Variants in HIBADH observed in about 807,000 individuals in gnomAD.
HIBADH encodes the protein 3-hydroxyisobutyrate dehydrogenase, mitochondrial.
Under a neutral mutation model 36.1 loss-of-function variants are expected in HIBADH, and 25 were observed. The ratio of observed to expected loss-of-function variants is 0.69; its 90% confidence interval spans 0.50 to 0.97. HIBADH has a LOEUF of 0.97. Ranked by LOEUF, HIBADH falls within the 50% of genes least tolerant of loss-of-function variation. HIBADH has a pLI of 0.00. For missense variants in HIBADH, 421 were observed against 418.0 expected, an observed-to-expected ratio of 1.01 and a Z score of -0.06; for synonymous variants, 160 against 149.5, an observed-to-expected ratio of 1.07 and a Z score of -0.51.
At chr7:27,554,805 T>C (rs1784367254) in intron 4 of HIBADH, among the ~76,000 whole-genome samples, 1 of 152,172 alleles carries the variant, frequency 6.6e-6, no homozygotes, top group Non-Finnish European at 1.5e-5. Flanking sequence ...AAGCTACACT[T>C]GGCTAACCAG....
chr7:27,580,494 G>A (rs542842304), intron 4 of HIBADH, among the ~76,000 whole-genome samples: 2 of 152,264 alleles, frequency 1.3e-5, no homozygotes, highest in East Asian at 3.9e-4. Context: ...CAGTAAATCA[G>A]CAGAAAACTC....
At chr7:27,634,325 T>A (rs762278612) in intron 2 of HIBADH, among the ~76,000 whole-genome samples, 19 of 152,114 alleles carry the variant, frequency 1.2e-4, no homozygotes, top group Non-Finnish European at 2.6e-4. Flanking sequence ...TACAAATAAT[T>A]CTAAAAATTA....
intron 1 of HIBADH, among the ~76,000 whole-genome samples, chr7:27,651,730 T>C (rs1265639659): frequency 1.3e-5 from 2 of 152,194 alleles, no homozygotes; most frequent in Admixed American, 6.5e-5. Flanking sequence ...AACTATCACA[T>C]GTACCAAAAG....
chr7:27,621,329 GA>G (rs904423908), intron 4 of HIBADH, among the ~76,000 whole-genome samples: 1 of 151,962 alleles, frequency 6.6e-6, no homozygotes, highest in Non-Finnish European at 1.5e-5. Flanking sequence ...AGGAAGTCAA[GA>G]AAAAAACGTT....
At chr7:27,589,634 C>A (rs905448291) in intron 4 of HIBADH, among the ~76,000 whole-genome samples, 5 of 152,170 alleles carry the variant, frequency 3.3e-5, no homozygotes, top group Admixed American at 1.3e-4. Context: ...GTGATTCTAA[C>A]TCCACTGTCT....
intron 4 of HIBADH, among the ~76,000 whole-genome samples, chr7:27,599,253 AAAG>A (rs1397908986): frequency 2.0e-5 from 3 of 152,212 alleles, no homozygotes; most frequent in Admixed American, 1.3e-4. Context: ...GGTTGAACTT[AAAG>A]AAGGATTAAA....
At chr7:27,539,250 A>G (rs948651241) in intron 5 of HIBADH, among the ~76,000 whole-genome samples, 22 of 152,202 alleles carry the variant, frequency 1.4e-4, no homozygotes, top group Non-Finnish European at 3.1e-4. Flanking sequence ...CCCCCTGACC[A>G]GTAAACTAGG....
At chr7:27,537,399 G>T (rs1784084399) in intron 6 of HIBADH, among the ~76,000 whole-genome samples, 1 of 152,006 alleles carries the variant, frequency 6.6e-6, no homozygotes, top group Non-Finnish European at 1.5e-5. Flanking sequence ...CCATTACTGT[G>T]TTTTCAAAAA....
intron 4 of HIBADH, among the ~76,000 whole-genome samples, chr7:27,547,882 A>C (rs1007399071): frequency 1.1e-4 from 16 of 152,210 alleles, no homozygotes; most frequent in Admixed American, 6.5e-5. Context: ...AAATTTTCTC[A>C]TGTAACTACA....
rs1240578333 is a variant in HIBADH at position 27,551,198 on chromosome 7, A to G, written c.485-8098T>C. ...ATGGCATTTTCACTTACTGCTACATAAACATGCATAAGCTAAGTGTACATG... is the reference window on the plus strand; with the variant it reads ...ATGGCATTTTCACTTACTGCTACATGAACATGCATAAGCTAAGTGTACATG... On this transcript the variant is annotated intron_variant, in intron 4 of 7. Transcript: ENST00000265395. 2.0e-5 allele frequency among the ~76,000 whole-genome samples: 3 copies of G among 152,196 alleles called. No individual in the cohort carries two copies. The East Asian group carries it at 5.8e-4, about 29-fold the overall frequency.
chr7:27,640,857 C>T (rs1375714524), intron 2 of HIBADH, among the ~76,000 whole-genome samples: 1 of 152,168 alleles, frequency 6.6e-6, no homozygotes, highest in Non-Finnish European at 1.5e-5. Flanking sequence ...ATGATCTATA[C>T]ATACAAAAGG....
intron 4 of HIBADH, among the ~76,000 whole-genome samples, chr7:27,594,146 T>G (rs1313745892): frequency 2.5e-5 from 3 of 120,866 alleles, no homozygotes; most frequent in Non-Finnish European, 5.8e-5. Flanking sequence ...ATGTTTTTGT[T>G]TTTTTGTTTT....
At chr7:27,611,240 G>A (rs940391651) in intron 4 of HIBADH, among the ~76,000 whole-genome samples, 4 of 152,126 alleles carry the variant, frequency 2.6e-5, no homozygotes, top group African/African-American at 9.7e-5. Context: ...AACTACAAGC[G>A]CCACTTCAGA....
intron 4 of HIBADH, among the ~76,000 whole-genome samples, chr7:27,565,166 G>A (rs1249421926): frequency 6.6e-6 from 1 of 152,086 alleles, no homozygotes; most frequent in African/African-American, 2.4e-5. Context: ...CAGACACTTA[G>A]AGATAGCCCC....
At chr7:27,540,949 A>C (rs891525660) in intron 5 of HIBADH, among the ~76,000 whole-genome samples, 1 of 152,194 alleles carries the variant, frequency 6.6e-6, no homozygotes, top group Non-Finnish European at 1.5e-5. Context: ...TACAACCAAA[A>C]GACAGGCAGC....
intron 4 of HIBADH, among the ~76,000 whole-genome samples, chr7:27,550,927 A>C (rs1784308605): frequency 6.6e-6 from 1 of 152,224 alleles, no homozygotes; most frequent in Non-Finnish European, 1.5e-5. Flanking sequence ...TTTTAGTATC[A>C]ATGTGTTTAT....
rs543169683 is a variant in HIBADH at position 27,549,525 on chromosome 7, T to G, written c.485-6425A>C. On this transcript the variant is annotated intron_variant, in intron 4 of 7. Coordinates refer to ENST00000265395, the MANE Select transcript of HIBADH (RefSeq NM_152740.4). ...CCTACAAGTCTTGGGAAACTCTATT[T>G]GAGAGCAAGCATATATTTTCCTTGA... 8.5e-5 allele frequency among the ~76,000 whole-genome samples: 13 copies of G among 152,308 alleles called. No homozygotes were observed. The South Asian group carries it at 1.7e-3, about 19-fold the overall frequency.
chr7:27,572,902 T>A (rs1307980807), intron 4 of HIBADH, among the ~76,000 whole-genome samples: 1 of 152,114 alleles, frequency 6.6e-6, no homozygotes, highest in Non-Finnish European at 1.5e-5. Flanking sequence ...AAAGTTAAAA[T>A]GTTCAAAATT....
chr7:27,631,269 T>C (rs1031714537), intron 3 of HIBADH, among the ~76,000 whole-genome samples: 3 of 152,310 alleles, frequency 2.0e-5, no homozygotes, highest in African/African-American at 7.2e-5. Context: ...ACTGTGGCCC[T>C]GAGAGCTCCA....
Sources: allele counts gnomAD v4.1 joint callset (sites outside exome capture counted in the v4.1 genomes callset), GRCh38; gene constraint gnomAD v4.1.1; transcripts MANE v1.5; gene names NCBI Gene and HGNC (gene_info 2026-07-23, HGNC 2026-07-21).